STARD13: variants seen among roughly 807,000 people sequenced by gnomAD.
The protein encoded by STARD13 is stAR-related lipid transfer protein 13.
STARD13 carries 62 observed loss-of-function variants against 106.4 expected under a neutral mutation model. The observed-to-expected ratio is 0.58, with a 90% CI of 0.48 to 0.72. STARD13 has a LOEUF of 0.72. Ranked by LOEUF, STARD13 falls within the 30% of genes least tolerant of loss-of-function variation. The pLI is 0.00. For missense variants in STARD13, 1,387 were observed against 1,424.0 expected (o/e 0.97, Z 0.42); for synonymous variants, 565 against 553.0 (o/e 1.02, Z -0.31).
At chr13:33,131,809 C>T (rs906108220) in intron 4 of STARD13, among the ~76,000 whole-genome samples, 14 of 152,190 alleles carry the variant, frequency 9.2e-5, no homozygotes, top group African/African-American at 3.1e-4. Context: ...TCTACTTACC[C>T]TCTCTAAAGT....
chr13:33,330,207 A>T (rs2077821287), intron 1 of STARD13, among the ~76,000 whole-genome samples: 1 of 152,230 alleles, frequency 6.6e-6, no homozygotes, highest in South Asian at 2.1e-4. Context: ...TATATTCCTA[A>T]CAACAGTGAA....
chr13:33,630,465 C>T, the STARD13 span, among the ~76,000 whole-genome samples: 2 of 152,232 alleles, frequency 1.3e-5, no homozygotes, highest in South Asian at 4.1e-4. Context: ...GCCGCCACCA[C>T]ATAATGATTT....
intron 1 of STARD13, among the ~76,000 whole-genome samples, chr13:33,309,384 G>T (rs1436895983): frequency 6.6e-6 from 1 of 152,164 alleles, no homozygotes; most frequent in Non-Finnish European, 1.5e-5. Flanking sequence ...CACAATCAGG[G>T]TGATAATGAA....
rs192997599 is a variant in STARD13, at chr13:33,184,298, T to C, written c.170-16676A>G. On this transcript the variant is annotated intron_variant, in intron 1 of 13. Transcript: ENST00000336934. ...GAAAACAGTAGGGACAGGTCTGTGG[T>C]GGTTGGGGTTGCCATGGCTGTTGTT... is the stretch of plus-strand genomic sequence containing the variant. Among the ~76,000 whole-genome samples the C allele has an allele frequency of 6.6e-5, 10 of 152,178 alleles. No individual in the cohort carries two copies. In the East Asian group the frequency reaches 1.9e-3, roughly 29 times the overall value.
At chr13:33,560,651 C>T in the STARD13 span, among the ~76,000 whole-genome samples, 1 of 151,498 alleles carries the variant, frequency 6.6e-6, no homozygotes. Context: ...GAATACATAA[C>T]TTAAAAATTC....
rs114294894 is a variant in STARD13 at position 33,150,256 on chromosome 13, A to G, written c.324-7883T>C. 8.9e-3 allele frequency among the ~76,000 whole-genome samples: 1,354 copies of G among 152,278 alleles called. 28 individuals carry two copies. The highest frequency in any genetic ancestry group is 0.03 in the African/African-American group (1,258 of 41,550). On this transcript the variant is annotated intron_variant, in intron 3 of 13. Coordinates refer to ENST00000336934, the MANE Select transcript of STARD13 (RefSeq NM_178006.4). ...CAGGATAGCAGAATTATTCTCCACC[A>G]CTGAGTATGACAGGCTATGAGTTGC... is the stretch of plus-strand genomic sequence containing the variant.
chr13:33,414,032 CAAAAAAA>C, the STARD13 span, among the ~76,000 whole-genome samples: 494 of 48,182 alleles, frequency 0.01, 15 homozygotes, highest in Admixed American at 0.087. Flanking sequence ...GATTCCCTCT[CAAAAAAA>C]AAAAAAAAAA....
At chr13:33,346,725 G>A (rs1359683429), downstream of STARD13, among the ~76,000 whole-genome samples, 1 of 152,018 alleles carries the variant, frequency 6.6e-6, no homozygotes, top group Non-Finnish European at 1.5e-5. Context: ...CGCCTCCCAG[G>A]TTCAAGCAAT....
intron 8 of STARD13, among the ~76,000 whole-genome samples, chr13:33,116,317 A>T (rs1246777340): frequency 6.6e-6 from 1 of 152,086 alleles, no homozygotes; most frequent in African/African-American, 2.4e-5. Flanking sequence ...CTCATTCTTC[A>T]TCTCTCCCTC....
intron 1 of STARD13, among the ~76,000 whole-genome samples, chr13:33,203,239 A>AGCT (rs879384158): frequency 4.3e-4 from 66 of 152,270 alleles, no homozygotes; most frequent in African/African-American, 1.5e-3. Context: ...CTGTACTGGC[A>AGCT]GGTCTGGCTT....
At chr13:33,398,930 A>G in the STARD13 span, among the ~76,000 whole-genome samples, 2 of 152,346 alleles carry the variant, frequency 1.3e-5, no homozygotes, top group East Asian at 1.9e-4. Flanking sequence ...ATATATCCAT[A>G]CAAAGGCCTT....
intron 1 of STARD13, chr13:33,188,404 G>A (rs1885962590): frequency 6.6e-6 from 1 of 152,142 alleles, no homozygotes; most frequent in Admixed American, 6.6e-5. Context: ...AACATTGAAT[G>A]AGTCATACAA....
chr13:33,548,664 A>G, the STARD13 span, among the ~76,000 whole-genome samples: 1 of 152,196 alleles, frequency 6.6e-6, no homozygotes. Context: ...AGAAGATTAT[A>G]CCACCTCATG....
chr13:33,404,450 G>A, the STARD13 span, among the ~76,000 whole-genome samples: 1 of 152,140 alleles, frequency 6.6e-6, no homozygotes, highest in Non-Finnish European at 1.5e-5. Flanking sequence ...AACAGAAATG[G>A]CAGAATGCTT....
chr13:33,664,771 C>A, the STARD13 span, among the ~76,000 whole-genome samples: 2 of 152,128 alleles, frequency 1.3e-5, no homozygotes, highest in Non-Finnish European at 2.9e-5. Flanking sequence ...GGACTACAGG[C>A]CCCCGCCACC....
the STARD13 span, among the ~76,000 whole-genome samples, chr13:33,592,504 A>G: frequency 1.3e-5 from 2 of 152,218 alleles, no homozygotes; most frequent in African/African-American, 4.8e-5. Context: ...TCAACTGTTT[A>G]CAGGAGAATG....
At chr13:33,511,912 A>G in the STARD13 span, among the ~76,000 whole-genome samples, 18 of 152,348 alleles carry the variant, frequency 1.2e-4, no homozygotes, top group African/African-American at 4.3e-4. Flanking sequence ...AGCTTCATAA[A>G]AGATGCAGAA....
chr13:33,316,402 T>A (rs1444029727), intron 1 of STARD13, among the ~76,000 whole-genome samples: 1 of 152,244 alleles, frequency 6.6e-6, no homozygotes, highest in Non-Finnish European at 1.5e-5. Context: ...ATCTTGGTTC[T>A]GATTAGTAAA....
chr13:33,592,681 T>C, the STARD13 span, among the ~76,000 whole-genome samples: 1 of 152,238 alleles, frequency 6.6e-6, no homozygotes, highest in Non-Finnish European at 1.5e-5. Flanking sequence ...CTTAAGATCA[T>C]AGGGCTTATT....
Sources: gnomAD v4.1 joint callset for allele counts (sites outside exome capture counted in the v4.1 genomes callset) on GRCh38, gnomAD v4.1.1 for gene constraint, MANE v1.5 for transcripts, NCBI Gene and HGNC (gene_info 2026-07-23, HGNC 2026-07-21) for gene names.